Variants in BICD1 observed in about 807,000 individuals in gnomAD.
The protein encoded by BICD1 is protein bicaudal D homolog 1.
Under a neutral mutation model 92.5 loss-of-function variants are expected in BICD1, and 35 were observed. That is an observed-to-expected ratio of 0.38 (90% CI 0.29 to 0.50). The LOEUF (loss-of-function observed/expected upper bound fraction) is 0.50. Among genes scored for constraint, BICD1 ranks in the 20% least tolerant of loss-of-function variants. BICD1 has a pLI of 0.93. For missense variants in BICD1, 950 were observed against 1,189.8 expected (o/e 0.80, Z 2.97); for synonymous variants, 429 against 465.1 (o/e 0.92, Z 1.00).
chr12:32,250,379 G>A (rs1946495002), intron 2 of BICD1, among the ~76,000 whole-genome samples: 1 of 152,268 alleles, frequency 6.6e-6, no homozygotes, highest in South Asian at 2.1e-4. Context: ...AATGGTGCCT[G>A]GGATACATAC....
At chr12:32,165,451 G>C (rs1350922310) in intron 1 of BICD1, among the ~76,000 whole-genome samples, 1 of 152,132 alleles carries the variant, frequency 6.6e-6, no homozygotes, top group Non-Finnish European at 1.5e-5. Flanking sequence ...GGGAGGCGGA[G>C]CTTGCAGTGA....
In BICD1 at chr12:32,185,313, T is replaced by C. The variant is rs542345374; in HGVS notation, c.214-30934T>C. Among the ~76,000 whole-genome samples the C allele has an allele frequency of 2.6e-5, 4 of 152,384 alleles. No individual in the cohort carries two copies. In the East Asian group the frequency reaches 7.7e-4, roughly 29 times the overall value. ...TTCAAAAGAGCCACATCCACTGCTA[T>C]GGTTTTGAAATTATTACATTATACA... On this transcript the variant is annotated intron_variant, in intron 1 of 9. Transcript: ENST00000652176.
intron 4 of BICD1, among the ~76,000 whole-genome samples, chr12:32,320,921 C>A (rs1004420314): frequency 6.6e-6 from 1 of 152,202 alleles, no homozygotes; most frequent in Non-Finnish European, 1.5e-5. Flanking sequence ...CTCCTCAACT[C>A]TCTGTTGGAT....
At chr12:32,118,481 A>G (rs976893108) in intron 1 of BICD1, among the ~76,000 whole-genome samples, 7 of 151,864 alleles carry the variant, frequency 4.6e-5, no homozygotes, top group East Asian at 3.9e-4. Context: ...AAATATTTGG[A>G]AAAAAAATTG....
chr12:32,312,366 A>T (rs1444999457), intron 4 of BICD1, among the ~76,000 whole-genome samples: 1 of 152,228 alleles, frequency 6.6e-6, no homozygotes, highest in Non-Finnish European at 1.5e-5. Flanking sequence ...AGCCCTGGTG[A>T]TAATGCCATG....
At chr12:32,322,516 A>T (rs1247142807) in intron 4 of BICD1, among the ~76,000 whole-genome samples, 1 of 152,144 alleles carries the variant, frequency 6.6e-6, no homozygotes, top group Non-Finnish European at 1.5e-5. Flanking sequence ...ATCTGACAGG[A>T]GGCAGAGCTC....
At chr12:32,274,301 C>T (rs1947221885) in intron 2 of BICD1, among the ~76,000 whole-genome samples, 1 of 152,126 alleles carries the variant, frequency 6.6e-6, no homozygotes. Flanking sequence ...ATAAGAACAT[C>T]AGAACTGAAA....
chr12:32,328,083 T>A lies in BICD1; in HGVS notation c.1628T>A (p.Val543Asp), dbSNP rs754053760. Reference protein sequence around the residue: ...VMLDYYRQSRVTRSGSLKGPD... With the variant: ...VMLDYYRQSRDTRSGSLKGPD... The stretch of plus-strand genomic sequence containing the variant: ...CTGGATTACTATAGGCAGAGCAGAG[T>A]CACCCGCAGTGGCAGCCTGAAAGGG... The change falls in exon 5 of 10, where the codon GTC (valine) becomes GAC (aspartate). Residue 543 changes from valine to aspartate, a missense_variant. Transcript: ENST00000652176. This position sits in a 1 kb window ranked among gnomAD's most constrained non-coding sequence, Gnocchi z 4.4. The A allele has an allele frequency of 6.2e-6, 10 of 1,613,862 alleles. No homozygotes were observed. The highest frequency in any genetic ancestry group is 8.5e-6 in the Non-Finnish European group (10 of 1,179,990).
intron 1 of BICD1, among the ~76,000 whole-genome samples, chr12:32,161,822 C>T (rs924498679): frequency 6.6e-6 from 1 of 152,154 alleles, no homozygotes; most frequent in Non-Finnish European, 1.5e-5. Context: ...TATCACCTGG[C>T]ATAGAAGGCA....
intron 2 of BICD1, among the ~76,000 whole-genome samples, chr12:32,242,153 C>A: frequency 7.6e-6 from 1 of 131,098 alleles, no homozygotes. Flanking sequence ...GAGGTCAAGG[C>A]TGCAATGAGC....
At chr12:32,234,532 G>A (rs941422416) in intron 2 of BICD1, among the ~76,000 whole-genome samples, 3 of 150,918 alleles carry the variant, frequency 2.0e-5, no homozygotes, top group African/African-American at 4.9e-5. Flanking sequence ...GGAGGCGGAG[G>A]TTGTGGGGAG....
intron 9 of BICD1, among the ~76,000 whole-genome samples, chr12:32,375,167 C>A (rs1042079746): frequency 1.3e-5 from 2 of 151,650 alleles, no homozygotes; most frequent in African/African-American, 4.8e-5. Context: ...GCTCATGATC[C>A]GCCCGCCTTG....
chr12:32,202,210 G>A (rs1360847474), intron 1 of BICD1, among the ~76,000 whole-genome samples: 2 of 152,196 alleles, frequency 1.3e-5, no homozygotes, highest in East Asian at 1.9e-4. Flanking sequence ...CGTCTGTTTG[G>A]TTGAGACAGA....
intron 3 of BICD1, among the ~76,000 whole-genome samples, chr12:32,301,514 C>G (rs1022764026): frequency 2.0e-5 from 3 of 152,006 alleles, no homozygotes; most frequent in Admixed American, 2.0e-4. Flanking sequence ...GTGGCTCACG[C>G]CTGTAATCCC....
chr12:32,371,296 T>C (rs1033577953), intron 9 of BICD1, among the ~76,000 whole-genome samples: 5 of 152,200 alleles, frequency 3.3e-5, no homozygotes, highest in African/African-American at 7.2e-5. Context: ...TAAATGCATA[T>C]AGATCTGAAA....
intron 1 of BICD1, among the ~76,000 whole-genome samples, chr12:32,124,802 G>A (rs1456511208): frequency 6.6e-6 from 1 of 152,130 alleles, no homozygotes; most frequent in Non-Finnish European, 1.5e-5. Flanking sequence ...GTTGCAGTAG[G>A]GAGGTAGATG....
intron 1 of BICD1, among the ~76,000 whole-genome samples, chr12:32,211,933 A>G (rs550089886): frequency 8.5e-5 from 13 of 152,286 alleles, no homozygotes; most frequent in African/African-American, 2.9e-4. Context: ...ATCATTACTG[A>G]TGCAAGAGCA....
chr12:32,212,302 T>C (rs1945238779), intron 1 of BICD1, among the ~76,000 whole-genome samples: 1 of 152,062 alleles, frequency 6.6e-6, no homozygotes, highest in South Asian at 2.1e-4. Flanking sequence ...CTTACAATGA[T>C]TAACACATAA....
chr12:32,128,939 ATT>A (rs139938197), intron 1 of BICD1, among the ~76,000 whole-genome samples: 1 of 148,558 alleles, frequency 6.7e-6, no homozygotes, highest in South Asian at 2.1e-4. Context: ...TGTCCAACTA[ATT>A]TTTTTTTTCT....
Sources: allele counts gnomAD v4.1 joint callset (sites outside exome capture counted in the v4.1 genomes callset), GRCh38; gene constraint gnomAD v4.1.1; non-coding constraint Gnocchi (gnomAD v3.1); transcripts MANE v1.5; gene names NCBI Gene and HGNC (gene_info 2026-07-23, HGNC 2026-07-21).